Variants in CACNA1C observed in about 807,000 individuals in gnomAD.
CACNA1C encodes voltage-dependent L-type calcium channel subunit alpha-1C.
In CACNA1C, 30 loss-of-function variants were observed where a neutral mutation model predicts 229.0. The observed-to-expected ratio is 0.13, with a 90% CI of 0.10 to 0.18. The LOEUF is 0.18. Ranked by LOEUF, CACNA1C falls within the 10% of genes least tolerant of loss-of-function variation. The pLI is 1.00. For missense variants in CACNA1C, 1,658 were observed against 2,845.0 expected, an observed-to-expected ratio of 0.58 and a Z score of 9.49; for synonymous variants, 1,114 against 1,132.5, an observed-to-expected ratio of 0.98 and a Z score of 0.33.
intron 4 of CACNA1C, among the ~76,000 whole-genome samples, chr12:2,455,358 A>G (rs2099411160): frequency 6.7e-6 from 1 of 150,332 alleles, no homozygotes; most frequent in Non-Finnish European, 1.5e-5. Flanking sequence ...TTATAAGTAT[A>G]AAACATACAG....
At chr12:2,331,682 A>G (rs1227629916) in intron 3 of CACNA1C, among the ~76,000 whole-genome samples, 1 of 152,274 alleles carries the variant, frequency 6.6e-6, no homozygotes, top group Non-Finnish European at 1.5e-5. Context: ...AAATGTGGAC[A>G]CGCCACCCAA....
chr12:2,227,182 G>T (rs1456205391), intron 3 of CACNA1C, among the ~76,000 whole-genome samples: 2 of 152,138 alleles, frequency 1.3e-5, no homozygotes, highest in Non-Finnish European at 2.9e-5. Flanking sequence ...TCTCCTTCCA[G>T]CTCCTCGCCT....
chr12:2,217,942 C>T (rs1193486896), intron 3 of CACNA1C: 2 of 152,136 alleles, frequency 1.3e-5, no homozygotes, highest in Admixed American at 6.5e-5. Flanking sequence ...CGGAGACTTC[C>T]ACGGACACTT....
intron 3 of CACNA1C, among the ~76,000 whole-genome samples, chr12:2,442,584 TC>T (rs753179813): frequency 6.6e-6 from 1 of 152,188 alleles, no homozygotes; most frequent in Non-Finnish European, 1.5e-5. Flanking sequence ...GGGAATCCCT[TC>T]CAGCCTGTAT....
At chr12:1,983,189 T>C (rs531449760) in intron 1 of CACNA1C, among the ~76,000 whole-genome samples, 4 of 151,830 alleles carry the variant, frequency 2.6e-5, no homozygotes, top group Admixed American at 2.6e-4. Context: ...TTTTCAAAGA[T>C]AATCAGGTTT....
intron 3 of CACNA1C, among the ~76,000 whole-genome samples, chr12:2,207,824 A>C (rs541473721): frequency 3.0e-5 from 4 of 132,040 alleles, no homozygotes; most frequent in Non-Finnish European, 6.9e-5. Context: ...CTGTCTCAAA[A>C]ACAAAACAAA....
At chr12:2,201,346 GTTA>G (rs2097575291) in intron 3 of CACNA1C, among the ~76,000 whole-genome samples, 2 of 152,276 alleles carry the variant, frequency 1.3e-5, no homozygotes, top group South Asian at 4.1e-4. Flanking sequence ...TATGTGTTAG[GTTA>G]TAAAGCCCTA....
rs2061708057 is a variant in CACNA1C at position 2,584,546 on chromosome 12, G to T, written c.2268G>T (p.Leu756=). 1 of 1,613,894 alleles carries T rather than the reference G, an allele frequency of 6.2e-7. No individual in the cohort carries two copies. The highest frequency in any genetic ancestry group is 1.3e-5 in the African/African-American group (1 of 75,020). Residue 756 remains leucine, a synonymous_variant, in exon 16 of 47, where the codon CTG becomes CTT. Transcript: ENST00000399655. ...TCTTGGCCATTGCTGTGGACAACCT[G>T]GCTGATGCTGAGAGCCTCACATCTG... ...NVFLAIAVDN[L]ADAESLTSAQ...
chr12:2,117,249 GAA>G (rs2084352304), intron 2 of CACNA1C, among the ~76,000 whole-genome samples: 1 of 151,226 alleles, frequency 6.6e-6, no homozygotes, highest in African/African-American at 2.5e-5. Flanking sequence ...CCAGCCTGAG[GAA>G]AAGAGTGAAA....
chr12:2,234,364 G>GT (rs2066490410), intron 3 of CACNA1C, among the ~76,000 whole-genome samples: 2 of 152,210 alleles, frequency 1.3e-5, no homozygotes, highest in South Asian at 4.1e-4. Context: ...GAGAGGAAGG[G>GT]AACACTCAAG....
chr12:2,184,785 G>A (rs1282646258), intron 3 of CACNA1C, among the ~76,000 whole-genome samples: 1 of 152,132 alleles, frequency 6.6e-6, no homozygotes, highest in African/African-American at 2.4e-5. Flanking sequence ...GGCAGGCAGA[G>A]AACCTTGCTT....
chr12:2,492,613 AAGT>A (rs1459448074), intron 6 of CACNA1C, among the ~76,000 whole-genome samples: 37 of 152,318 alleles, frequency 2.4e-4, no homozygotes, highest in African/African-American at 8.4e-4. Flanking sequence ...CTTCACTGTA[AAGT>A]GACTTGCGTC....
chr12:2,211,032 T>C (rs1599240696), intron 3 of CACNA1C, among the ~76,000 whole-genome samples: 1 of 152,348 alleles, frequency 6.6e-6, no homozygotes, highest in South Asian at 2.1e-4. Flanking sequence ...CATAAAGCAT[T>C]CAAAAGAGTT....
At chr12:1,994,352 C>A (rs2154475373) in intron 1 of CACNA1C, among the ~76,000 whole-genome samples, 1 of 152,324 alleles carries the variant, frequency 6.6e-6, no homozygotes, top group South Asian at 2.1e-4. Flanking sequence ...TTGTTTATGT[C>A]TTAGTTTTAT....
chr12:2,140,672 G>A (rs2094080118), intron 3 of CACNA1C, among the ~76,000 whole-genome samples: 4 of 151,458 alleles, frequency 2.6e-5, no homozygotes, highest in South Asian at 2.1e-4. Flanking sequence ...TGCCTGACAA[G>A]TAGACCATTT....
chr12:2,425,329 C>T (rs771814765), intron 3 of CACNA1C, among the ~76,000 whole-genome samples: 6 of 152,136 alleles, frequency 3.9e-5, no homozygotes, highest in Non-Finnish European at 5.9e-5. Flanking sequence ...GAAAAATACA[C>T]ACAAAGGAAG....
intron 3 of CACNA1C, among the ~76,000 whole-genome samples, chr12:2,424,607 C>T (rs562607140): frequency 6.6e-6 from 1 of 152,240 alleles, no homozygotes; most frequent in African/African-American, 2.4e-5. Flanking sequence ...GGGGTGAGTG[C>T]TTGGGCTATG....
Position 2,054,186 on chromosome 12 carries a change from T to A in CACNA1C, c.49+575T>A, listed in dbSNP as rs540464785. 2.0e-5 allele frequency among the ~76,000 whole-genome samples: 3 copies of A among 151,918 alleles called. No homozygotes were observed. Among genetic ancestry groups the A allele is most frequent in the East Asian group, 2.0e-4 (1 of 5,104 alleles). ...TGGCGGGTGGGGGCGGCGGTGCAGA[T>A]GTGAAGCCCAGCGCGCCCCTCTGGT... On this transcript the variant is annotated intron_variant, in intron 1 of 46. Coordinates refer to ENST00000399655, the MANE Select transcript of CACNA1C (RefSeq NM_000719.7). This position sits in a 1 kb window ranked among gnomAD's most constrained non-coding sequence, Gnocchi z 5.5.
chr12:2,513,297 G>A (rs752653909), intron 9 of CACNA1C, among the ~76,000 whole-genome samples: 1 of 152,216 alleles, frequency 6.6e-6, no homozygotes, highest in Non-Finnish European at 1.5e-5. Context: ...CCACCTCTTT[G>A]GGCAGGGGCA....
Sources: gnomAD v4.1 joint callset for allele counts (sites outside exome capture counted in the v4.1 genomes callset) on GRCh38, gnomAD v4.1.1 for gene constraint, Gnocchi (gnomAD v3.1) non-coding constraint, MANE v1.5 for transcripts, NCBI Gene and HGNC (gene_info 2026-07-23, HGNC 2026-07-21) for gene names.